ELAPOR1: variants seen among roughly 807,000 people sequenced by gnomAD.
ELAPOR1 encodes endosome/lysosome-associated apoptosis and autophagy regulator 1.
Under a neutral mutation model 119.7 loss-of-function variants are expected in ELAPOR1, and 77 were observed. The observed-to-expected ratio is 0.64, with a 90% CI of 0.54 to 0.78. The LOEUF (loss-of-function observed/expected upper bound fraction) is 0.78, where lower values mean the gene tolerates loss of function less well. Among genes scored for constraint, ELAPOR1 ranks in the 30% least tolerant of loss-of-function variants. ELAPOR1 has a pLI of 0.00. For missense variants in ELAPOR1, 1,115 were observed against 1,270.4 expected (o/e 0.88, Z 1.86); for synonymous variants, 481 against 487.2 (o/e 0.99, Z 0.17).
Position 109,172,014 on chromosome 1 carries a change from G to T in ELAPOR1, c.615+1G>T. ...CTCCAGCATCATCTTTGAGTTTTTCGTAAGCCCCTGGCCAAGGTGGAGGGT... is the reference window on the plus strand; with the variant it reads ...CTCCAGCATCATCTTTGAGTTTTTCTTAAGCCCCTGGCCAAGGTGGAGGGT... On this transcript the variant is annotated splice_donor_variant, in intron 4 of 21. Coordinates refer to ENST00000369939, the MANE Select transcript of ELAPOR1 (RefSeq NM_020775.5). LOFTEE classifies it high-confidence loss of function. The T allele has an allele frequency of 6.2e-7, 1 of 1,614,156 alleles. No individual in the cohort carries two copies. Among genetic ancestry groups the T allele is most frequent in the Non-Finnish European group, 8.5e-7 (1 of 1,180,004 alleles).
chr1:109,155,067 A>G (rs1650789008), intron 1 of ELAPOR1, among the ~76,000 whole-genome samples: 1 of 152,198 alleles, frequency 6.6e-6, no homozygotes, highest in Admixed American at 6.5e-5. Context: ...CCACATACAC[A>G]TAAAAGCTCT....
At chr1:109,124,890 G>C (rs1648670470) in intron 1 of ELAPOR1, among the ~76,000 whole-genome samples, 1 of 151,940 alleles carries the variant, frequency 6.6e-6, no homozygotes, top group South Asian at 2.1e-4. Context: ...AGATTTTCTG[G>C]CTCCTCACTC....
chr1:109,195,580 C>T (rs929161991), intron 15 of ELAPOR1, among the ~76,000 whole-genome samples: 1 of 151,982 alleles, frequency 6.6e-6, no homozygotes, highest in African/African-American at 2.4e-5. Flanking sequence ...TTTTCCCTTG[C>T]TTGAAAAAGC....
At chr1:109,175,351 C>A (rs1486765975) in intron 7 of ELAPOR1, among the ~76,000 whole-genome samples, 1 of 150,976 alleles carries the variant, frequency 6.6e-6, no homozygotes, top group Admixed American at 6.6e-5. Context: ...TACAGGCGTG[C>A]ACCACCATGC....
chr1:109,198,156 A>C, intron 17 of ELAPOR1, 81 bp downstream of exon 17: 1 of 1,079,122 alleles, frequency 9.3e-7, no homozygotes. Context: ...CTCTCTAGCC[A>C]CCTACTGCTT....
At chr1:109,177,178 G>A (rs1652356420) in intron 7 of ELAPOR1, among the ~76,000 whole-genome samples, 1 of 149,926 alleles carries the variant, frequency 6.7e-6, no homozygotes, top group African/African-American at 2.5e-5. Context: ...CCCAGTAGGG[G>A]CGGCCGGGCA....
chr1:109,183,365 A>C (rs969779591), intron 7 of ELAPOR1, among the ~76,000 whole-genome samples: 4 of 148,074 alleles, frequency 2.7e-5, no homozygotes, highest in Non-Finnish European at 4.5e-5. Flanking sequence ...AAAGAGAGAG[A>C]GAGAGAAAAG....
At chr1:109,187,182 T>G (rs958659913) in intron 8 of ELAPOR1, 1 of 985,372 alleles carries the variant, frequency 1.0e-6, no homozygotes, top group Non-Finnish European at 1.2e-6. Context: ...GGGACCAGGA[T>G]GGCCCATCCA....
intron 1 of ELAPOR1, among the ~76,000 whole-genome samples, chr1:109,122,356 TA>T (rs71069650): frequency 0.15 from 17,375 of 114,850 alleles, 1,280 homozygotes; most frequent in South Asian, 0.27. Context: ...ACCTTTCCAT[TA>T]AAAAAAAAAA....
intron 1 of ELAPOR1, among the ~76,000 whole-genome samples, chr1:109,123,766 A>G (rs1239854484): frequency 6.6e-6 from 1 of 152,190 alleles, no homozygotes; most frequent in Non-Finnish European, 1.5e-5. Flanking sequence ...CTCCATACTT[A>G]TAGACTTTCT....
chr1:109,164,749 C>A, intron 3 of ELAPOR1, 58 bp downstream of exon 3: 3 of 1,493,144 alleles, frequency 2.0e-6, no homozygotes, highest in South Asian at 1.2e-5. Flanking sequence ...GGCTACAGGG[C>A]ACACTGGACA....
At chr1:109,185,533 T>C (rs1652993902) in intron 8 of ELAPOR1, among the ~76,000 whole-genome samples, 1 of 152,196 alleles carries the variant, frequency 6.6e-6, no homozygotes, top group African/African-American at 2.4e-5. Context: ...TTCCTGCCTA[T>C]GGTCTGACTT....
intron 9 of ELAPOR1, among the ~76,000 whole-genome samples, chr1:109,188,705 A>C (rs1035238835): frequency 1.3e-5 from 2 of 152,328 alleles, no homozygotes; most frequent in Admixed American, 6.5e-5. Context: ...AAAACCTATA[A>C]GCCATGCTGC....
intron 1 of ELAPOR1, among the ~76,000 whole-genome samples, chr1:109,142,186 GAAGAAAGA>G (rs1243194153): frequency 6.6e-6 from 1 of 151,262 alleles, no homozygotes; most frequent in East Asian, 1.9e-4. Context: ...CTGGCACTCT[GAAGAAAGA>G]AAAAAAGAAA....
intron 1 of ELAPOR1, among the ~76,000 whole-genome samples, chr1:109,157,728 G>A (rs1030942023): frequency 6.6e-6 from 1 of 152,160 alleles, no homozygotes; most frequent in Non-Finnish European, 1.5e-5. Flanking sequence ...ACATGAAAGA[G>A]GCTAACCCAG....
At chr1:109,121,366 C>T (rs912224031) in intron 1 of ELAPOR1, among the ~76,000 whole-genome samples, 3 of 152,140 alleles carry the variant, frequency 2.0e-5, no homozygotes, top group Admixed American at 6.5e-5. Context: ...ACACTGGTCT[C>T]GAACTCTTGA....
Position 109,188,326 on chromosome 1 carries a change from C to T in ELAPOR1, c.1191C>T (p.Cys397=). 1 of 1,613,888 alleles carries T rather than the reference C, an allele frequency of 6.2e-7. No individual in the cohort carries two copies. The highest frequency in any genetic ancestry group is 8.5e-7 in the Non-Finnish European group (1 of 1,179,794). The change falls in exon 9 of 22, where the codon TGC becomes TGT. Residue 397 remains cysteine (C), a synonymous_variant. Transcript: ENST00000369939. ...FKTNNSTCQP[C]PYGSYSNGSD... is the part of the protein sequence containing the mutation. ...CCAACAACAGCACCTGCCAGCCCTG[C>T]CCATATGGTTCCTACTCCAATGGCT...
intron 1 of ELAPOR1, among the ~76,000 whole-genome samples, chr1:109,131,013 G>C (rs1437420770): frequency 6.6e-6 from 1 of 152,124 alleles, no homozygotes; most frequent in African/African-American, 2.4e-5. Flanking sequence ...CAATTTCTGT[G>C]GACAGGAATT....
intron 2 of ELAPOR1, among the ~76,000 whole-genome samples, chr1:109,163,492 A>C (rs1183136253): frequency 6.6e-6 from 1 of 152,140 alleles, no homozygotes; most frequent in African/African-American, 2.4e-5. Flanking sequence ...TCCTGGGCTC[A>C]AGTAATTTTC....
Sources: allele counts gnomAD v4.1 joint callset (sites outside exome capture counted in the v4.1 genomes callset), GRCh38; gene constraint gnomAD v4.1.1; transcripts MANE v1.5; gene names NCBI Gene and HGNC (gene_info 2026-07-23, HGNC 2026-07-21).